Variants in MAP3K9 observed in about 807,000 individuals in gnomAD.
The protein encoded by MAP3K9 is mitogen-activated protein kinase kinase kinase 9.
MAP3K9 carries 46 observed loss-of-function variants against 95.8 expected under a neutral mutation model. The observed-to-expected ratio is 0.48, with a 90% CI of 0.38 to 0.61. The LOEUF is 0.61. Among genes scored for constraint, MAP3K9 ranks in the 20% least tolerant of loss-of-function variants. The pLI is 0.00. For synonymous variants in MAP3K9, 533 were observed against 593.8 expected (o/e 0.90, Z 1.49); for missense variants, 1,296 against 1,474.3 (o/e 0.88, Z 1.98).
rs554794918 is a variant in MAP3K9, at chr14:70,734,295, TA to T, written c.2026+90del. Reference sequence around the variant, plus strand: ...CAATGTTTCCTCCATGAAGCAGTGCTAGGGGTCCTTAAATGGTCCTAGAAGC... The same window carrying T: ...CAATGTTTCCTCCATGAAGCAGTGCTGGGGTCCTTAAATGGTCCTAGAAGC... On this transcript the variant is annotated intron_variant, in intron 10 of 11. Coordinates refer to ENST00000554752, the MANE Select transcript of MAP3K9 (RefSeq NM_001284230.2). The T allele has an allele frequency of 2.0e-4, 172 of 844,430 alleles. No individual in the cohort carries two copies. In the African/African-American group the frequency reaches 2.7e-3, roughly 13 times the overall value. The allele number at this position is 844,430 out of a possible 1,614,324, so 52.3% of individuals were successfully genotyped here.
chr14:70,734,514 A>G lies in MAP3K9; in HGVS notation c.1914-16T>C, dbSNP rs1217579446. ...GGACTTGAGGCTGAATCAGAGGAAA[A>G]GAGGAAACTGTCAGAACTGGTTACC... On this transcript the variant is annotated splice_polypyrimidine_tract_variant and intron_variant, in intron 9 of 11. Coordinates refer to ENST00000554752, the MANE Select transcript of MAP3K9 (RefSeq NM_001284230.2). 3 of 1,459,498 alleles carry G rather than the reference A, an allele frequency of 2.1e-6. No individual in the cohort carries two copies. Among genetic ancestry groups the G allele is most frequent in the Middle Eastern group, 1.7e-4 (1 of 5,724 alleles). 90.4% of individuals were successfully genotyped at this position (1,459,498 alleles called of 1,614,324 possible).
rs141753457 is a variant in MAP3K9 at position 70,777,808 on chromosome 14, A to C, written c.821-16626T>G. Among the ~76,000 whole-genome samples, 16 of 152,362 alleles carry C rather than the reference A, an allele frequency of 1.1e-4. No individual in the cohort carries two copies. In the East Asian group the frequency reaches 2.3e-3, roughly 22 times the overall value. ...CAGCACCATGGGTGGAAAGGGCTAA[A>C]GCCTCTAAGACATAACCAACATCCA... On this transcript the variant is annotated intron_variant, in intron 2 of 11. Transcript: ENST00000554752.
At position 70,730,415 on chromosome 14, in the gene MAP3K9, C is replaced by T; in HGVS notation, c.3280G>A (p.Ala1094Thr). The change falls in exon 12 of 12, where the codon GCC (alanine) becomes ACC (threonine). Residue 1094 changes from alanine (A) to threonine (T), a missense_variant. Physicochemically the swap from Ala to Thr is moderately conservative, Grantham distance 58. Transcript: ENST00000554752. ...AACTCCTGCTGGATCTCATAAGGGG[C>T]AGGCCTGTGTGTGTTCAGTTCCGCT... ...CRAELNTHRPAPYEIQQEFWS is the reference protein window; with the variant it reads ...CRAELNTHRPTPYEIQQEFWS The T allele has an allele frequency of 1.2e-6, 2 of 1,613,882 alleles. No homozygotes were observed. Among genetic ancestry groups the T allele is most frequent in the Non-Finnish European group, 1.7e-6 (2 of 1,179,824 alleles).
At chr14:70,781,519 C>G (rs1461647946) in intron 2 of MAP3K9, among the ~76,000 whole-genome samples, 1 of 152,082 alleles carries the variant, frequency 6.6e-6, no homozygotes, top group African/African-American at 2.4e-5. Context: ...TGTTTGGGGT[C>G]GTTTGTTCTG....
At chr14:70,769,919 G>A (rs971654808) in intron 2 of MAP3K9, among the ~76,000 whole-genome samples, 3 of 152,184 alleles carry the variant, frequency 2.0e-5, no homozygotes, top group Admixed American at 1.3e-4. Flanking sequence ...TTGTTTGTGT[G>A]GAGGGTTGTG....
rs1417760672 is a variant in MAP3K9, at chr14:70,723,825, T to A, written c.*6555A>T. 6.6e-6 allele frequency: 1 copy of A among 152,220 alleles called. No homozygotes were observed. Among genetic ancestry groups the A allele is most frequent in the Non-Finnish European group, 1.5e-5 (1 of 68,046 alleles). 9.4% of individuals were successfully genotyped at this position (152,220 alleles called of 1,614,324 possible). On this transcript the variant is annotated 3_prime_UTR_variant, in exon 12 of 12. Transcript: ENST00000554752. ...GATTTCTTATCATGTATTATTCGTCTTTATAACTAGGCCAGGATACATCTT... is the reference window on the plus strand; with the variant it reads ...GATTTCTTATCATGTATTATTCGTCATTATAACTAGGCCAGGATACATCTT...
Position 70,725,402 on chromosome 14 carries a change from C to CA in MAP3K9, c.*4977dup, listed in dbSNP as rs1336022856. On this transcript the variant is annotated 3_prime_UTR_variant, in exon 12 of 12. Coordinates refer to ENST00000554752, the MANE Select transcript of MAP3K9 (RefSeq NM_001284230.2). ...TCTGAGAGGAAGTCCATAAGAGACT[C>CA]ACCTGGCCTGCACGGCTAACCATAA... The CA allele has an allele frequency of 6.6e-6, 1 of 152,226 alleles. No individual in the cohort carries two copies. Among genetic ancestry groups the CA allele is most frequent in the East Asian group, 1.9e-4 (1 of 5,192 alleles). The allele number at this position is 152,226 out of a possible 1,614,324, so 9.4% of individuals were successfully genotyped here.
Position 70,748,809 on chromosome 14 carries a change from G to T in MAP3K9, c.1326+20C>A, listed in dbSNP as rs747686432. The T allele has an allele frequency of 6.4e-7, 1 of 1,573,662 alleles. No individual in the cohort carries two copies. The highest frequency in any genetic ancestry group is 8.6e-7 in the Non-Finnish European group (1 of 1,162,340). On this transcript the variant is annotated intron_variant, in intron 5 of 11. Coordinates refer to ENST00000554752, the MANE Select transcript of MAP3K9 (RefSeq NM_001284230.2). ...TTTTCTTTTCGTTCGTTTTTTTGTT[G>T]TTTTTTTTGTTTTGTTTACCTTTTC...
At chr14:70,765,624 G>C in intron 2 of MAP3K9, 1 of 394,578 alleles carries the variant, frequency 2.5e-6, no homozygotes, top group African/African-American at 2.1e-5. Context: ...ACATGTACAC[G>C]TTTGTAGCCT....
intron 3 of MAP3K9, among the ~76,000 whole-genome samples, chr14:70,756,778 G>A (rs542898836): frequency 1.3e-5 from 2 of 152,318 alleles, no homozygotes; most frequent in South Asian, 2.1e-4. Context: ...TGCCCTGCTA[G>A]CCTGGGCTAT....
At position 70,760,825 on chromosome 14, in the gene MAP3K9, G is replaced by A. The variant is rs76323385; in HGVS notation, c.1001+177C>T. 2.6e-3 allele frequency among the ~76,000 whole-genome samples: 392 copies of A among 152,260 alleles called. 1 individual carries two copies. Among genetic ancestry groups the A allele is most frequent in the African/African-American group, 8.9e-3 (371 of 41,544 alleles). ...TCAGGGATTTTTTTGGTAGATGAAA[G>A]CATTAGAAACTGTCCCCTGGCAATA... is the stretch of plus-strand genomic sequence containing the variant. On this transcript the variant is annotated intron_variant, in intron 3 of 11. Transcript: ENST00000554752.
At chr14:70,737,778 A>C (rs2054005319) in intron 8 of MAP3K9, among the ~76,000 whole-genome samples, 1 of 152,186 alleles carries the variant, frequency 6.6e-6, no homozygotes, top group Non-Finnish European at 1.5e-5. Flanking sequence ...TAAGCAGAAC[A>C]CCCTGGCAGA....
At chr14:70,776,769 C>T (rs576134995) in intron 2 of MAP3K9, among the ~76,000 whole-genome samples, 1 of 152,176 alleles carries the variant, frequency 6.6e-6, no homozygotes, top group East Asian at 1.9e-4. Flanking sequence ...AAATCCTCTC[C>T]CATCAGCCCT....
In MAP3K9 at chr14:70,808,809, G is replaced by A; in HGVS notation, c.363C>T (p.Cys121=). 1 of 1,594,812 alleles carries A rather than the reference G, an allele frequency of 6.3e-7. No individual in the cohort carries two copies. The highest frequency in any genetic ancestry group is 1.3e-5 in the African/African-American group (1 of 74,166). Residue 121 remains cysteine, a synonymous_variant, in exon 1 of 12, where the codon TGC becomes TGT. Coordinates refer to ENST00000554752, the MANE Select transcript of MAP3K9 (RefSeq NM_001284230.2). ...AACTGGGGTCCTCGCCGCCGGGCTG[G>A]CAGCGGCTGGAGAAGGCGCTGCGCG... is the stretch of plus-strand genomic sequence containing the variant. ...VTPRSAFSSR[C]QPGGEDPSCY...
intron 3 of MAP3K9, 78 bp downstream of exon 3, chr14:70,760,924 T>G: frequency 6.6e-7 from 1 of 1,509,398 alleles, no homozygotes; most frequent in Non-Finnish European, 9.0e-7. Flanking sequence ...CTAGGTAACC[T>G]CAATTCTCCA....
intron 5 of MAP3K9, 94 bp downstream of exon 5, chr14:70,748,735 C>T (rs975410891): frequency 1.2e-5 from 11 of 923,506 alleles, no homozygotes; most frequent in Non-Finnish European, 1.8e-5. Flanking sequence ...CAGTCAGACT[C>T]GGTCCAGAGG....
rs1011938044 is a variant in MAP3K9, at chr14:70,725,119, A to G, written c.*5261T>C. On this transcript the variant is annotated 3_prime_UTR_variant, in exon 12 of 12. Coordinates refer to ENST00000554752, the MANE Select transcript of MAP3K9 (RefSeq NM_001284230.2). ...AGCTCCTATAACCAGCTGGGCCCCAAAGCTCTTCTCTCTATCCAGCTCAAG... is the reference window on the plus strand; with the variant it reads ...AGCTCCTATAACCAGCTGGGCCCCAGAGCTCTTCTCTCTATCCAGCTCAAG... 8 of 152,336 alleles carry G rather than the reference A, an allele frequency of 5.3e-5. No homozygotes were observed. The highest frequency in any genetic ancestry group is 1.2e-4 in the Non-Finnish European group (8 of 68,152). The allele number at this position is 152,336 out of a possible 1,614,324, so 9.4% of individuals were successfully genotyped here. A position where few individuals can be genotyped will look rare whatever the true frequency, so the allele number is the denominator to read the frequency against.
intron 2 of MAP3K9, among the ~76,000 whole-genome samples, chr14:70,777,810 C>T (rs2054619248): frequency 6.6e-6 from 1 of 152,196 alleles, no homozygotes; most frequent in Non-Finnish European, 1.5e-5. Context: ...AGGGCTAAAG[C>T]CTCTAAGACA....
Position 70,727,926 on chromosome 14 carries a change from C to T in MAP3K9, c.*2454G>A, listed in dbSNP as rs1400866440. On this transcript the variant is annotated 3_prime_UTR_variant, in exon 12 of 12. Coordinates refer to ENST00000554752, the MANE Select transcript of MAP3K9 (RefSeq NM_001284230.2). ...CATCTAGAAAGATGGCTGCAACCTA[C>T]CACAATGGCAAAAGTTAAAAATGAG... 1.3e-5 allele frequency: 2 copies of T among 152,168 alleles called. No homozygotes were observed. The highest frequency in any genetic ancestry group is 2.9e-5 in the Non-Finnish European group (2 of 68,064). The allele number at this position is 152,168 out of a possible 1,614,324, so 9.4% of individuals were successfully genotyped here.
Sources: gnomAD v4.1 joint callset for allele counts (sites outside exome capture counted in the v4.1 genomes callset) on GRCh38, gnomAD v4.1.1 for gene constraint, MANE v1.5 for transcripts, NCBI Gene and HGNC (gene_info 2026-07-23, HGNC 2026-07-21) for gene names.